Variants in DAD1 observed in about 807,000 individuals in gnomAD.
DAD1 encodes the protein dolichyl-diphosphooligosaccharide--protein glycosyltransferase subunit DAD1.
Under a neutral mutation model 9.0 loss-of-function variants are expected in DAD1, and 4 were observed. The observed-to-expected ratio is 0.44, with a 90% confidence interval of 0.22 to 1.01. DAD1 has a LOEUF of 1.01. Ranked by LOEUF, DAD1 falls within the 50% of genes least tolerant of loss-of-function variation. The probability of loss-of-function intolerance (pLI) is 0.24; values close to 1 mark genes in which losing one functional copy is unlikely to be tolerated. For missense variants in DAD1, 119 were observed against 137.3 expected (o/e 0.87, Z 0.67); for synonymous variants, 60 against 62.5 (o/e 0.96, Z 0.19).
At chr14:22,576,830 C>A (rs2037080612) in intron 1 of DAD1, among the ~76,000 whole-genome samples, 1 of 151,926 alleles carries the variant, frequency 6.6e-6, no homozygotes, top group African/African-American at 2.4e-5. Context: ...TAGACATTTC[C>A]CCAAAGAAGA....
At chr14:22,579,163 T>C (rs1594883087) in intron 1 of DAD1, among the ~76,000 whole-genome samples, 1 of 150,926 alleles carries the variant, frequency 6.6e-6, no homozygotes, top group Non-Finnish European at 1.5e-5. Context: ...AGATAACTCA[T>C]GAGAACTCTC....
intron 2 of DAD1, among the ~76,000 whole-genome samples, chr14:22,571,410 C>T: frequency 6.6e-6 from 1 of 151,558 alleles, no homozygotes; most frequent in Non-Finnish European, 1.5e-5. Flanking sequence ...ATCCACTGAG[C>T]TTCTTTCTGT....
At chr14:22,567,954 GCT>G (rs1411111373) in intron 2 of DAD1, among the ~76,000 whole-genome samples, 1 of 152,038 alleles carries the variant, frequency 6.6e-6, no homozygotes, top group African/African-American at 2.4e-5. Context: ...CAGTCTGATG[GCT>G]CTGATGAAAA....
At chr14:22,585,404 G>A (rs781428567) in intron 1 of DAD1, among the ~76,000 whole-genome samples, 3 of 152,170 alleles carry the variant, frequency 2.0e-5, no homozygotes, top group Non-Finnish European at 4.4e-5. Flanking sequence ...GGAAACTAAA[G>A]GGTTGCCAAC....
At chr14:22,578,066 C>G (rs1420659742) in intron 1 of DAD1, among the ~76,000 whole-genome samples, 1 of 151,098 alleles carries the variant, frequency 6.6e-6, no homozygotes, top group African/African-American at 2.4e-5. Flanking sequence ...CCAGCCTGAC[C>G]AACATGGAGA....
intron 1 of DAD1, among the ~76,000 whole-genome samples, chr14:22,580,477 G>A (rs2037108764): frequency 1.3e-5 from 2 of 151,824 alleles, no homozygotes; most frequent in African/African-American, 4.8e-5. Context: ...TAATTATCTT[G>A]TCATTTCAGT....
chr14:22,581,743 C>CAA (rs59052046), intron 1 of DAD1, among the ~76,000 whole-genome samples: 5,454 of 36,660 alleles, frequency 0.15, 947 homozygotes, highest in Admixed American at 0.19. Flanking sequence ...AACTCCATCT[C>CAA]AAAAAAAAAA....
intron 2 of DAD1, among the ~76,000 whole-genome samples, chr14:22,574,128 C>T (rs2037061409): frequency 6.6e-6 from 1 of 152,124 alleles, no homozygotes; most frequent in African/African-American, 2.4e-5. Context: ...ATGCATTCAT[C>T]AGTAAGCTAC....
intron 1 of DAD1, among the ~76,000 whole-genome samples, chr14:22,583,155 G>A (rs2037129386): frequency 6.6e-6 from 1 of 152,076 alleles, no homozygotes; most frequent in African/African-American, 2.4e-5. Context: ...TTGGCAACTG[G>A]ATTTACTAAT....
In DAD1 at chr14:22,564,983, T is replaced by C. The variant is rs2036993352; in HGVS notation, c.*199A>G. 1.6e-6 allele frequency: 1 copy of C among 617,012 alleles called. No individual in the cohort carries two copies. 38.2% of individuals were successfully genotyped at this position (617,012 alleles called of 1,614,324 possible). On this transcript the variant is annotated 3_prime_UTR_variant, in exon 3 of 3. Coordinates refer to ENST00000250498, the MANE Select transcript of DAD1 (RefSeq NM_001344.4). ...GAAAGGCAGAGGCTGGATTAATAAA[T>C]GTTTGTTAGAAAGTTGTTCTGACAC...
In DAD1 at chr14:22,581,743, C is replaced by CAAAA. The variant is rs59052046; in HGVS notation, c.212-6514_212-6511dup. Among the ~76,000 whole-genome samples, 30 of 36,728 alleles carry CAAAA rather than the reference C, an allele frequency of 8.2e-4. 3 individuals are homozygous for CAAAA. The highest frequency in any genetic ancestry group is 1.1e-3 in the African/African-American group (13 of 11,728). 24.1% of individuals were successfully genotyped at this position (36,728 alleles called of 152,430 possible). On this transcript the variant is annotated intron_variant, in intron 1 of 2. Transcript: ENST00000250498. ...GGGCAACAAGAGCAAAACTCCATCT[C>CAAAA]AAAAAAAAAAAAAAAAAAAAAAAAA...
intron 1 of DAD1, among the ~76,000 whole-genome samples, chr14:22,581,871 T>C (rs572899654): frequency 1.3e-5 from 2 of 151,486 alleles, no homozygotes; most frequent in African/African-American, 4.8e-5. Context: ...GATTCAGTTA[T>C]AAGAGCGGTG....
At chr14:22,586,207 A>C (rs1054189712) in intron 1 of DAD1, among the ~76,000 whole-genome samples, 1 of 151,840 alleles carries the variant, frequency 6.6e-6, no homozygotes, top group Non-Finnish European at 1.5e-5. Flanking sequence ...CTCAAAAAAA[A>C]AAAAAAAGCA....
At chr14:22,566,180 T>C (rs1419942895) in intron 2 of DAD1, among the ~76,000 whole-genome samples, 1 of 152,224 alleles carries the variant, frequency 6.6e-6, no homozygotes, top group Non-Finnish European at 1.5e-5. Flanking sequence ...AGTGGTATTA[T>C]AAGAAATGTA....
intron 2 of DAD1, among the ~76,000 whole-genome samples, chr14:22,566,075 AAAG>A (rs1293794253): frequency 6.6e-6 from 1 of 152,252 alleles, no homozygotes; most frequent in Non-Finnish European, 1.5e-5. Context: ...ATCAGAACTT[AAAG>A]GAGAGATTTT....
At chr14:22,585,935 G>T (rs1486272290) in intron 1 of DAD1, among the ~76,000 whole-genome samples, 1 of 152,200 alleles carries the variant, frequency 6.6e-6, no homozygotes. Flanking sequence ...TGCCGGGTGT[G>T]GTGGCTCACG....
At chr14:22,584,025 C>T (rs764015212) in intron 1 of DAD1, among the ~76,000 whole-genome samples, 10 of 152,230 alleles carry the variant, frequency 6.6e-5, no homozygotes, top group Admixed American at 1.3e-4. Flanking sequence ...GGGTTGGATG[C>T]ACATTGTGTT....
intron 1 of DAD1, among the ~76,000 whole-genome samples, chr14:22,579,814 A>T (rs1319909348): frequency 6.7e-6 from 1 of 149,760 alleles, no homozygotes; most frequent in Admixed American, 6.7e-5. Flanking sequence ...CATATCTAAG[A>T]CTTATTAAGT....
chr14:22,583,980 G>A (rs7152766), intron 1 of DAD1, among the ~76,000 whole-genome samples: 13,668 of 152,136 alleles, frequency 0.09, 1,163 homozygotes, highest in African/African-American at 0.21. Context: ...GAAGGCGAAT[G>A]TATAAGAGAA....
Sources: allele counts gnomAD v4.1 joint callset (sites outside exome capture counted in the v4.1 genomes callset), GRCh38; gene constraint gnomAD v4.1.1; transcripts MANE v1.5; gene names NCBI Gene and HGNC (gene_info 2026-07-23, HGNC 2026-07-21).